The following ZNF618 variants were observed in gnomAD, a reference collection of about 807,000 sequenced individuals.
ZNF618 encodes the protein neural precursor cell expressed, developmentally down-regulated 10.
A neutral mutation model predicts 103.0 loss-of-function variants in ZNF618; 34 were observed. The observed-to-expected ratio is 0.33, with a 90% confidence interval of 0.25 to 0.44. The LOEUF is 0.44. ZNF618 is among the 20% of genes least tolerant of loss of function. The pLI, the probability that ZNF618 is intolerant of heterozygous loss-of-function variation, is 1.00. For missense variants in ZNF618, 1,059 were observed against 1,295.4 expected, an observed-to-expected ratio of 0.82 and a Z score of 2.80; for synonymous variants, 551 against 542.2, an observed-to-expected ratio of 1.02 and a Z score of -0.23.
At chr9:113,979,011 T>C (rs1838738832) in intron 2 of ZNF618, among the ~76,000 whole-genome samples, 1 of 152,194 alleles carries the variant, frequency 6.6e-6, no homozygotes, top group African/African-American at 2.4e-5. Context: ...GTGTGTTTTG[T>C]CTGGTCATTT....
chr9:113,985,018 C>A (rs1387284305), intron 2 of ZNF618, among the ~76,000 whole-genome samples: 1 of 152,182 alleles, frequency 6.6e-6, no homozygotes, highest in African/African-American at 2.4e-5. Context: ...CTGCACATGC[C>A]CCTCCCCTGC....
intron 2 of ZNF618, among the ~76,000 whole-genome samples, chr9:113,972,503 T>C (rs1259585218): frequency 1.3e-5 from 2 of 152,028 alleles, no homozygotes; most frequent in African/African-American, 2.4e-5. Context: ...GAAGTCTACC[T>C]GAGTCTGACT....
At chr9:113,896,652 A>C (rs147410899) in intron 1 of ZNF618, among the ~76,000 whole-genome samples, 5 of 152,002 alleles carry the variant, frequency 3.3e-5, no homozygotes, top group African/African-American at 1.2e-4. Flanking sequence ...CAGATTCCCC[A>C]TAGGGCCTTA....
chr9:113,926,454 A>G (rs563860857), intron 1 of ZNF618, among the ~76,000 whole-genome samples: 6 of 151,708 alleles, frequency 4.0e-5, no homozygotes, highest in Non-Finnish European at 8.8e-5. Flanking sequence ...TGCTACTTCA[A>G]ATATTTCTTC....
In ZNF618 at chr9:113,907,373, G is replaced by T. The variant is rs533845389; in HGVS notation, c.33+30960G>T. 3.4e-4 allele frequency among the ~76,000 whole-genome samples: 52 copies of T among 152,312 alleles called. 1 individual carries two copies. Among genetic ancestry groups the T allele is most frequent in the African/African-American group, 1.3e-3 (52 of 41,576 alleles). On this transcript the variant is annotated intron_variant, in intron 1 of 14. Transcript: ENST00000374126. ...GGCCCTTGCAGCTCCAATTGTTCAT[G>T]GTGTTCACAGGTCTGCTTGGCCCCT...
chr9:114,015,967 T>A, intron 9 of ZNF618: 1 of 692,450 alleles, frequency 1.4e-6, no homozygotes, highest in African/African-American at 1.8e-5. Flanking sequence ...GCACCCCAGA[T>A]GAGACAGAAT....
At chr9:113,958,713 G>A (rs1836550127) in intron 1 of ZNF618, among the ~76,000 whole-genome samples, 1 of 152,184 alleles carries the variant, frequency 6.6e-6, no homozygotes, top group Non-Finnish European at 1.5e-5. Flanking sequence ...TCTTCCTGGT[G>A]TACTGCTGGA....
At chr9:113,990,131 C>T (rs1367850818) in intron 3 of ZNF618, among the ~76,000 whole-genome samples, 1 of 152,262 alleles carries the variant, frequency 6.6e-6, no homozygotes, top group African/African-American at 2.4e-5. Context: ...CCCATTTCCA[C>T]TTGCCCAAAT....
At chr9:113,893,114 T>C (rs1246273128) in intron 1 of ZNF618, among the ~76,000 whole-genome samples, 1 of 152,242 alleles carries the variant, frequency 6.6e-6, no homozygotes, top group Non-Finnish European at 1.5e-5. Flanking sequence ...CAGACTCGCC[T>C]TGTTAGCTAG....
intron 1 of ZNF618, among the ~76,000 whole-genome samples, chr9:113,947,852 C>T (rs1165820760): frequency 6.6e-6 from 1 of 152,174 alleles, no homozygotes; most frequent in Non-Finnish European, 1.5e-5. Context: ...CTCTTTCTTC[C>T]CCTCTTCTCC....
In ZNF618 at chr9:114,050,056, C is replaced by A; in HGVS notation, c.2754C>A (p.Ala918=). ...FWLLAVPAVG[A]RSGCVNMCEQ... The stretch of plus-strand genomic sequence containing the variant: ...TCCTGGCGGTTCCGGCCGTGGGCGC[C>A]AGAAGCGGGTGTGTAAATATGTGTG... The change falls in exon 15 of 15, where the codon GCC becomes GCA. Residue 918 remains alanine, a synonymous_variant. Coordinates refer to ENST00000374126, the MANE Select transcript of ZNF618 (RefSeq NM_001318042.2). 2 of 1,613,726 alleles carry A rather than the reference C, an allele frequency of 1.2e-6. No individual in the cohort carries two copies. The highest frequency in any genetic ancestry group is 2.2e-5 in the South Asian group (2 of 91,088).
In ZNF618 at chr9:114,050,337, T is replaced by C. The variant is rs1846041663; in HGVS notation, c.*170T>C. On this transcript the variant is annotated 3_prime_UTR_variant, in exon 15 of 15. Coordinates refer to ENST00000374126, the MANE Select transcript of ZNF618 (RefSeq NM_001318042.2). ...TTATATGTGTGTGTGTGCGTGTATG[T>C]ACACAGCCACACGTGTGTGCACGTG... 5.4e-6 allele frequency: 4 copies of C among 735,162 alleles called. No individual in the cohort carries two copies. The highest frequency in any genetic ancestry group is 8.5e-6 in the Non-Finnish European group (4 of 469,888). The allele number at this position is 735,162 out of a possible 1,614,324, so 45.5% of individuals were successfully genotyped here.
intron 13 of ZNF618, among the ~76,000 whole-genome samples, chr9:114,040,174 G>C (rs1432603612): frequency 1.3e-5 from 2 of 152,164 alleles, no homozygotes; most frequent in African/African-American, 4.8e-5. Context: ...CATTCCTGCA[G>C]CTTACCCTGC....
chr9:114,048,842 A>G lies in ZNF618; in HGVS notation c.1540A>G (p.Ile514Val), dbSNP rs760582276. 2 of 1,610,702 alleles carry G rather than the reference A, an allele frequency of 1.2e-6. No individual in the cohort carries two copies. Among genetic ancestry groups the G allele is most frequent in the South Asian group, 2.2e-5 (2 of 90,578 alleles). ...ARYGAFSVTEILGNFNTLALK... is the reference protein window; with the variant it reads ...ARYGAFSVTEVLGNFNTLALK... ...CTATGGGGCCTTCTCGGTCACTGAA[A>G]TCCTGGGCAACTTCAACACGCTGGC... Residue 514 changes from isoleucine (I) to valine (V), a missense_variant, in exon 15 of 15, where the codon ATC becomes GTC. Ile to Val is a conservative substitution (Grantham distance 29). This residue lies in a region of ZNF618 where 434 missense variants were observed against 476.0 expected (regional missense o/e 0.91). Coordinates refer to ENST00000374126, the MANE Select transcript of ZNF618 (RefSeq NM_001318042.2).
Position 113,951,425 on chromosome 9 carries a change from G to GTGTGTATATATATACACATACACATATA in ZNF618, c.34-17687_34-17686insATATATATACACATACACATATATGTGT, listed in dbSNP as rs1564206819. ...TACGTATATATACACACATATATGT[G>GTGTGTATATATATACACATACACATATA]TGTGTGTATATATATACATATATGT... On this transcript the variant is annotated intron_variant, in intron 1 of 14. Transcript: ENST00000374126. Among the ~76,000 whole-genome samples, 15 of 37,540 alleles carry GTGTGTATATATATACACATACACATATA rather than the reference G, an allele frequency of 4.0e-4. 2 individuals carry two copies. Among genetic ancestry groups the GTGTGTATATATATACACATACACATATA allele is most frequent in the African/African-American group, 1.3e-3 (13 of 9,984 alleles). 24.6% of individuals were successfully genotyped at this position (37,540 alleles called of 152,430 possible).
At chr9:113,940,422 C>CAAATACTTTAAG (rs1834440214) in intron 1 of ZNF618, among the ~76,000 whole-genome samples, 1 of 152,020 alleles carries the variant, frequency 6.6e-6, no homozygotes, top group Admixed American at 6.6e-5. Flanking sequence ...CATGTTCTGT[C>CAAATACTTTAAG]CATTTCTGGA....
At chr9:113,892,870 A>T (rs899609375) in intron 1 of ZNF618, among the ~76,000 whole-genome samples, 3 of 152,190 alleles carry the variant, frequency 2.0e-5, no homozygotes, top group Non-Finnish European at 1.5e-5. Flanking sequence ...GCCTGATTTG[A>T]AATGCTGTCT....
chr9:113,962,133 T>C (rs1026732473), intron 1 of ZNF618, among the ~76,000 whole-genome samples: 2 of 152,224 alleles, frequency 1.3e-5, no homozygotes, highest in South Asian at 2.1e-4. Context: ...GCGTAACTTA[T>C]CTGTAAAGTA....
At chr9:113,888,361 G>C (rs1207401319) in intron 1 of ZNF618, among the ~76,000 whole-genome samples, 36 of 152,258 alleles carry the variant, frequency 2.4e-4, no homozygotes, top group Non-Finnish European at 5.9e-5. Context: ...GGGACTCCCT[G>C]GCTTTCAGCC....
Sources: allele counts gnomAD v4.1 joint callset (sites outside exome capture counted in the v4.1 genomes callset), GRCh38; gene constraint gnomAD v4.1.1; regional missense constraint gnomAD v4.1.1; transcripts MANE v1.5; gene names NCBI Gene and HGNC (gene_info 2026-07-23, HGNC 2026-07-21).